Variants in DNAH7 observed in about 807,000 individuals in gnomAD.
The protein encoded by DNAH7 is axonemal beta dynein heavy chain 7.
In DNAH7, 397 loss-of-function variants were observed where a neutral mutation model predicts 444.6. The ratio of observed to expected loss-of-function variants is 0.89; its 90% confidence interval spans 0.82 to 0.97. The LOEUF (loss-of-function observed/expected upper bound fraction) is 0.97. Ranked by LOEUF, DNAH7 falls within the 50% of genes least tolerant of loss-of-function variation. The pLI is 0.00. For missense variants in DNAH7, 4,902 were observed against 4,800.8 expected (o/e 1.02, Z -0.62); for synonymous variants, 1,636 against 1,624.4 (o/e 1.01, Z -0.17).
chr2:196,001,792 G>A lies in DNAH7; in HGVS notation c.1056C>T (p.Asp352=), dbSNP rs1694053270. 9 of 1,613,018 alleles carry A rather than the reference G, an allele frequency of 5.6e-6. No homozygotes were observed. Among genetic ancestry groups the A allele is most frequent in the Non-Finnish European group, 7.6e-6 (9 of 1,179,616 alleles). Reference sequence around the variant, plus strand: ...AAAAAGATTCCAATTTGGCACTGCTGTCACCAGTTGGCAATTGCTTTTTTT... The same window carrying A: ...AAAAAGATTCCAATTTGGCACTGCTATCACCAGTTGGCAATTGCTTTTTTT... ...GNKKKQLPTG[D]SSAKLESFFN... Residue 352 remains aspartate (D), a synonymous_variant, in exon 11 of 65, where the codon GAC becomes GAT. Coordinates refer to ENST00000312428, the MANE Select transcript of DNAH7 (RefSeq NM_018897.3).
In DNAH7 at chr2:195,977,055, G is replaced by T. The variant is rs577962745; in HGVS notation, c.1834-4589C>A. Among the ~76,000 whole-genome samples the T allele has an allele frequency of 6.6e-5, 10 of 152,220 alleles. No individual in the cohort carries two copies. The East Asian group carries it at 1.9e-3, about 29-fold the overall frequency. On this transcript the variant is annotated intron_variant, in intron 15 of 64. Transcript: ENST00000312428. ...TACAAACAAGCCCAGAATGCTAAAG[G>T]TATAATACCTAACTCTTCAAGGCCC... is the stretch of plus-strand genomic sequence containing the variant.
At chr2:195,851,415 C>T (rs984408344) in intron 46 of DNAH7, among the ~76,000 whole-genome samples, 7 of 152,202 alleles carry the variant, frequency 4.6e-5, no homozygotes, top group Admixed American at 1.3e-4. Flanking sequence ...GAAGTGACTA[C>T]TTGAATCAAG....
intron 34 of DNAH7, 61 bp downstream of exon 34, chr2:195,886,080 T>C (rs1701690438): frequency 4.0e-6 from 6 of 1,516,598 alleles, no homozygotes; most frequent in East Asian, 2.4e-5. Flanking sequence ...TTAGGAAGCT[T>C]TGGGGAAAGC....
chr2:195,845,288 A>G (rs1227247315), intron 46 of DNAH7, 123 bp from the exon 47 acceptor site: 6 of 705,480 alleles, frequency 8.5e-6, no homozygotes, highest in African/African-American at 1.8e-5. Flanking sequence ...CTCTACCTCA[A>G]AAATGATTTC....
chr2:195,785,206 C>CGTTACCTAGAAGGTTGCCTGGCT (rs1559094765), intron 58 of DNAH7, among the ~76,000 whole-genome samples: 4 of 152,102 alleles, frequency 2.6e-5, no homozygotes, highest in Admixed American at 6.5e-5. Flanking sequence ...CCACCGCACC[C>CGTTACCTAGAAGGTTGCCTGGCT]GGCCGACCCA....
intron 63 of DNAH7, among the ~76,000 whole-genome samples, chr2:195,745,967 T>G (rs1693375646): frequency 6.6e-6 from 1 of 152,172 alleles, no homozygotes; most frequent in Non-Finnish European, 1.5e-5. Context: ...CCAGTTAACA[T>G]CATAATGACA....
chr2:195,826,678 T>C (rs1697769714), intron 48 of DNAH7, among the ~76,000 whole-genome samples: 1 of 152,204 alleles, frequency 6.6e-6, no homozygotes, highest in Non-Finnish European at 1.5e-5. Context: ...TACTTGACCA[T>C]CTTTTCATTG....
intron 1 of DNAH7, among the ~76,000 whole-genome samples, chr2:196,067,062 T>C (rs1445119512): frequency 6.6e-6 from 1 of 152,186 alleles, no homozygotes; most frequent in African/African-American, 2.4e-5. Context: ...CTTCAATAAA[T>C]CACAACCTTT....
At position 195,834,256 on chromosome 2, in the gene DNAH7, T is replaced by C; in HGVS notation, c.9050A>G (p.Glu3017Gly). The change falls in exon 48 of 65, where the codon GAA becomes GGA. Residue 3017 changes from glutamate (E) to glycine (G), a missense_variant. By Grantham distance (98) the Glu-to-Gly change is moderately conservative. Transcript: ENST00000312428. ...ANSLYVIKLSEPDYVRTLENC... is the reference protein window; with the variant it reads ...ANSLYVIKLSGPDYVRTLENC... ...TTCCAGAGTCCTGACATAGTCAGGT[T>C]CACTAAGTTTAATCACATAAAGACT... 1 of 1,608,818 alleles carries C rather than the reference T, an allele frequency of 6.2e-7. No homozygotes were observed. The highest frequency in any genetic ancestry group is 8.5e-7 in the Non-Finnish European group (1 of 1,175,926).
chr2:195,922,186 TA>T lies in DNAH7; in HGVS notation c.3836del (p.Leu1279Ter). 6.3e-7 allele frequency: 1 copy of T among 1,598,386 alleles called. No homozygotes were observed. Among genetic ancestry groups the T allele is most frequent in the Non-Finnish European group, 8.6e-7 (1 of 1,165,956 alleles). ...QLRYYWQENH[L>X]ETKMINAGLR... ...AACCAGCATTGATCATTTTTGTTTC[TA>T]AATGATTTTCCTAGGATAAATCAAA... On this transcript the variant is annotated frameshift_variant, in exon 24 of 65. Transcript: ENST00000312428. LOFTEE classifies it high-confidence loss of function.
intron 51 of DNAH7, among the ~76,000 whole-genome samples, chr2:195,814,187 G>C (rs572080920): frequency 3.9e-5 from 6 of 152,290 alleles, no homozygotes; most frequent in Admixed American, 3.9e-4. Context: ...GTTTCTTCAT[G>C]TGTATTGATA....
chr2:195,782,597 T>C (rs1490191077), intron 58 of DNAH7, among the ~76,000 whole-genome samples: 6 of 152,004 alleles, frequency 3.9e-5, no homozygotes, highest in Middle Eastern at 3.4e-3. Flanking sequence ...GCCATTTTTT[T>C]CCAAAAAAAA....
In DNAH7 at chr2:195,910,167, G is replaced by A; in HGVS notation, c.3964C>T (p.Leu1322Phe). ...GCTGGACCCTCAGGTGCTCCTCCAA[G>A]GTGCAAATGAAGGGCTCCAAATAAG... Reference protein sequence around the residue: ...RTLFGALHLHLGGAPEGPAGT... With the variant: ...RTLFGALHLHFGGAPEGPAGT... Residue 1322 changes from leucine (L) to phenylalanine (F), a missense_variant, in exon 25 of 65, where the codon CTT (leucine) becomes TTT (phenylalanine). By Grantham distance (22) the Leu-to-Phe change is conservative. Transcript: ENST00000312428. The A allele has an allele frequency of 6.2e-7, 1 of 1,611,064 alleles. No individual in the cohort carries two copies. Among genetic ancestry groups the A allele is most frequent in the Non-Finnish European group, 8.5e-7 (1 of 1,178,646 alleles).
chr2:196,054,048 G>A (rs1031763070), intron 2 of DNAH7, among the ~76,000 whole-genome samples: 1 of 152,114 alleles, frequency 6.6e-6, no homozygotes, highest in East Asian at 1.9e-4. Context: ...CTGAGATTTC[G>A]ACTTCCATTT....
intron 10 of DNAH7, among the ~76,000 whole-genome samples, chr2:196,003,524 G>A (rs1694178446): frequency 6.6e-6 from 1 of 152,108 alleles, no homozygotes; most frequent in Admixed American, 6.5e-5. Flanking sequence ...AAGGAAAAGA[G>A]GCACATACAT....
chr2:196,037,523 GA>G (rs2125819040), intron 5 of DNAH7, among the ~76,000 whole-genome samples: 1 of 152,138 alleles, frequency 6.6e-6, no homozygotes, highest in Non-Finnish European at 1.5e-5. Context: ...CTCATAAGCT[GA>G]ATTAGAAATT....
chr2:196,019,218 A>G lies in DNAH7; in HGVS notation c.821T>C (p.Met274Thr), dbSNP rs1171584701. ...SSYIRDHLNA[M>T]NPTMLAVLDL... ...TAGTACAGCCAGCATTGTGGGGTTC[A>G]TTGCATTCAAGTGATCCCTAATATA... Residue 274 changes from methionine to threonine, a missense_variant, in exon 9 of 65, where the codon ATG becomes ACG. Coordinates refer to ENST00000312428, the MANE Select transcript of DNAH7 (RefSeq NM_018897.3). 2.0e-6 allele frequency: 3 copies of G among 1,531,662 alleles called. No individual in the cohort carries two copies. The highest frequency in any genetic ancestry group is 2.7e-6 in the Non-Finnish European group (3 of 1,128,930). The allele number at this position is 1,531,662 out of a possible 1,614,324, so 94.9% of individuals were successfully genotyped here.
intron 58 of DNAH7, among the ~76,000 whole-genome samples, chr2:195,781,974 T>TACAC (rs1357047428): frequency 4.5e-5 from 2 of 44,380 alleles, no homozygotes; most frequent in Admixed American, 2.3e-4. Context: ...AGGTGGGTCT[T>TACAC]ATACACACAC....
intron 27 of DNAH7, chr2:195,901,703 T>C (rs2125268988): frequency 6.6e-6 from 1 of 152,238 alleles, no homozygotes; most frequent in Non-Finnish European, 1.5e-5. Flanking sequence ...AGACAAATTA[T>C]CCATTTTGAG....
Sources: allele counts gnomAD v4.1 joint callset (sites outside exome capture counted in the v4.1 genomes callset), GRCh38; gene constraint gnomAD v4.1.1; transcripts MANE v1.5; gene names NCBI Gene and HGNC (gene_info 2026-07-23, HGNC 2026-07-21).